DNAH3: variants seen among roughly 807,000 people sequenced by gnomAD.
DNAH3 encodes axonemal beta dynein heavy chain 3.
In DNAH3, 332 loss-of-function variants were observed where a neutral mutation model predicts 432.5. The observed-to-expected ratio is 0.77, with a 90% CI of 0.70 to 0.84. DNAH3 has a LOEUF of 0.84. DNAH3 is among the 40% of genes least tolerant of loss of function. DNAH3 has a pLI of 0.00. For missense variants in DNAH3, 4,861 were observed against 5,114.0 expected, an observed-to-expected ratio of 0.95 and a Z score of 1.51; for synonymous variants, 1,956 against 1,900.2, an observed-to-expected ratio of 1.03 and a Z score of -0.76.
At chr16:21,121,274 T>A (rs914005444) in intron 10 of DNAH3, among the ~76,000 whole-genome samples, 2 of 152,172 alleles carry the variant, frequency 1.3e-5, no homozygotes, top group Non-Finnish European at 2.9e-5. Flanking sequence ...TGTCTAGTAA[T>A]AAAAGTTTGT....
At chr16:21,153,927 CTTATA>C (rs995348235) in intron 1 of DNAH3, among the ~76,000 whole-genome samples, 24 of 152,170 alleles carry the variant, frequency 1.6e-4, no homozygotes, top group Non-Finnish European at 7.3e-5. Context: ...TTTTCCATCT[CTTATA>C]TTATGCTCTT....
At chr16:20,972,769 C>T in intron 51 of DNAH3, among the ~76,000 whole-genome samples, 1 of 121,672 alleles carries the variant, frequency 8.2e-6, no homozygotes, top group East Asian at 2.6e-4. Flanking sequence ...TTTTTGGTCA[C>T]TCAGGCTGGA....
At chr16:20,959,235 GGTAGGC>G (rs1567528466) in exon 54 of DNAH3, 2 of 1,614,012 alleles carry the variant, frequency 1.2e-6, no homozygotes, top group Non-Finnish European at 1.7e-6. Flanking sequence ...TCTTCTCCAG[GGTAGGC>G]ATCCAGCTTG....
At chr16:21,140,692 C>T (rs372954241) in exon 5 of DNAH3, 137 of 1,613,926 alleles carry the variant, frequency 8.5e-5, no homozygotes, top group Non-Finnish European at 1.1e-4. Context: ...AGATTGACGT[C>T]TTGAAGGCCA....
chr16:21,131,172 A>G (rs1313309617), intron 7 of DNAH3, among the ~76,000 whole-genome samples: 4 of 152,050 alleles, frequency 2.6e-5, no homozygotes, highest in Admixed American at 1.3e-4. Context: ...CCCTGTTTCT[A>G]CAAAAAATGT....
At chr16:21,105,907 G>C (rs1414762542) in intron 15 of DNAH3, among the ~76,000 whole-genome samples, 1 of 151,962 alleles carries the variant, frequency 6.6e-6, no homozygotes, top group Non-Finnish European at 1.5e-5. Context: ...GGTCGGCCAG[G>C]CCCCATGGCT....
intron 23 of DNAH3, 142 bp from the exon 24 acceptor site, chr16:21,067,561 G>T: frequency 1.2e-6 from 1 of 838,702 alleles, no homozygotes; most frequent in South Asian, 1.6e-5. Flanking sequence ...AACTGCACAG[G>T]GGTGAATGCT....
chr16:21,099,823 TATTA>T (rs1246930248), intron 16 of DNAH3, among the ~76,000 whole-genome samples: 1 of 152,256 alleles, frequency 6.6e-6, no homozygotes, highest in South Asian at 2.1e-4. Context: ...TTTACTTATT[TATTA>T]ATTTTTACCC....
chr16:21,141,914 T>C (rs903072107), intron 3 of DNAH3, among the ~76,000 whole-genome samples: 2 of 151,858 alleles, frequency 1.3e-5, no homozygotes, highest in African/African-American at 4.8e-5. Flanking sequence ...TAGCCGGGCA[T>C]TGCGGCGAGC....
At chr16:21,087,019 T>C in exon 19 of DNAH3, 1 of 1,614,094 alleles carries the variant, frequency 6.2e-7, no homozygotes, top group South Asian at 1.1e-5. Context: ...ATATTCCCTA[T>C]CTCCTCCGCA....
At chr16:20,964,770 G>C (rs1407066230) in exon 53 of DNAH3, 2 of 1,614,006 alleles carry the variant, frequency 1.2e-6, no homozygotes, top group Non-Finnish European at 1.7e-6. Flanking sequence ...TGAGACTGAA[G>C]TCACTGAAGC....
chr16:21,097,236 T>C (rs982983930), intron 18 of DNAH3, 119 bp downstream of exon 18: 127 of 1,171,800 alleles, frequency 1.1e-4, no homozygotes, highest in Non-Finnish European at 1.5e-4. Context: ...TAATCTGGAG[T>C]GTCAGAATCT....
intron 39 of DNAH3, among the ~76,000 whole-genome samples, chr16:21,023,386 G>A (rs1191472521): frequency 2.0e-5 from 3 of 152,108 alleles, no homozygotes; most frequent in African/African-American, 7.2e-5. Flanking sequence ...TATAGATCAT[G>A]CAAAGTTCTA....
chr16:21,021,845 G>C, intron 40 of DNAH3, 126 bp downstream of exon 40: 1 of 1,161,996 alleles, frequency 8.6e-7, no homozygotes, highest in Non-Finnish European at 1.2e-6. Flanking sequence ...TGAGGCTGCA[G>C]TGAGCCAAGA....
Position 21,140,498 on chromosome 16 carries a change from C to T in DNAH3, c.696+38G>A, listed in dbSNP as rs149383555. On this transcript the variant is annotated intron_variant, in intron 5 of 61. Transcript: ENST00000261383. Reference sequence around the variant, plus strand: ...AATCACTGAGATGCCGAGAGTAACCCTCAGCAAACCGAGGGAAAGGGGGCA... The same window carrying T: ...AATCACTGAGATGCCGAGAGTAACCTTCAGCAAACCGAGGGAAAGGGGGCA... 1.8e-5 allele frequency: 29 copies of T among 1,600,942 alleles called. No individual in the cohort carries two copies. The African/African-American group carries it at 2.3e-4, about 13-fold the overall frequency.
rs774639519 is a variant in DNAH3 at position 20,936,715 on chromosome 16, A to C, written c.11793T>G (p.Ser3931=). The change falls in exon 60 of 62, where the codon TCT becomes TCG. Residue 3931 remains serine, a synonymous_variant. Transcript: ENST00000261383. ...CCCCCAGAGGCTTCAGTGATGGGTA[A>C]GACTTGGCTGCCCACATGGCTGGCA... The C allele has an allele frequency of 1.9e-6, 3 of 1,609,666 alleles. No homozygotes were observed. In the East Asian group the frequency reaches 6.7e-5, roughly 36 times the overall value.
At chr16:20,979,824 G>A (rs1014814643) in intron 49 of DNAH3, among the ~76,000 whole-genome samples, 36 of 151,854 alleles carry the variant, frequency 2.4e-4, no homozygotes, top group Middle Eastern at 6.8e-3. Context: ...ATCTCAGCTC[G>A]CTGCAACCTC....
intron 1 of DNAH3, 94 bp from the exon 2 acceptor site, chr16:21,150,628 TGG>T: frequency 1.1e-5 from 2 of 188,736 alleles, no homozygotes; most frequent in South Asian, 1.0e-4. Flanking sequence ...CCCCCAGCGG[TGG>T]CCACGCTTCC....
Position 21,134,272 on chromosome 16 carries a change from GTTCT to G in DNAH3, c.1065_1068del (p.Lys355AsnfsTer19). ...GGGACTTCTTACTCTGCAAACCACA[GTTCT>G]TTCAGCCTGAGCATCATGGGGTTCA... On this transcript the variant is annotated frameshift_variant, in exon 7 of 62. Coordinates refer to ENST00000261383, the Ensembl canonical transcript of DNAH3. LOFTEE classifies it high-confidence loss of function. 6.2e-7 allele frequency: 1 copy of G among 1,611,090 alleles called. No individual in the cohort carries two copies. Among genetic ancestry groups the G allele is most frequent in the Non-Finnish European group, 8.5e-7 (1 of 1,179,128 alleles).
Sources: allele counts gnomAD v4.1 joint callset (sites outside exome capture counted in the v4.1 genomes callset), GRCh38; gene constraint gnomAD v4.1.1; transcripts MANE v1.5; gene names NCBI Gene and HGNC (gene_info 2026-07-23, HGNC 2026-07-21).